KIF26B: variants seen among roughly 807,000 people sequenced by gnomAD.
The protein encoded by KIF26B is kinesin-like protein KIF26B.
A neutral mutation model predicts 151.2 loss-of-function variants in KIF26B; 63 were observed. That is an observed-to-expected ratio of 0.42 (90% CI 0.34 to 0.51). The LOEUF (loss-of-function observed/expected upper bound fraction) is 0.51. Ranked by LOEUF, KIF26B falls within the 20% of genes least tolerant of loss-of-function variation. KIF26B has a pLI of 0.07. For synonymous variants in KIF26B, 1,357 were observed against 1,262.1 expected, an observed-to-expected ratio of 1.08 and a Z score of -1.59; for missense variants, 2,813 against 2,913.6, an observed-to-expected ratio of 0.97 and a Z score of 0.79.
chr1:245,606,605 C>CAA lies in KIF26B; in HGVS notation c.1558-1043_1558-1042dup, dbSNP rs1271640202. Among the ~76,000 whole-genome samples, 1 of 152,170 alleles carries CAA rather than the reference C, an allele frequency of 6.6e-6. No individual in the cohort carries two copies. The highest frequency in any genetic ancestry group is 1.9e-4 in the East Asian group (1 of 5,196). ...TATTAGCGGGTGTTCAGGGGAAATA[C>CAA]AAAACATCATCGAGAGCCTGGTCCC... On this transcript the variant is annotated intron_variant, in intron 6 of 14. Coordinates refer to ENST00000407071, the MANE Select transcript of KIF26B (RefSeq NM_018012.4). The surrounding 1 kb of genome is among the most constrained non-coding windows in gnomAD (Gnocchi z 4.6).
chr1:245,501,097 T>A (rs1039406886), intron 4 of KIF26B, among the ~76,000 whole-genome samples: 1 of 152,220 alleles, frequency 6.6e-6, no homozygotes, highest in East Asian at 1.9e-4. Flanking sequence ...AGTACCATAT[T>A]ATCCCCATTT....
rs11588731 is a variant in KIF26B, at chr1:245,543,017, C to T, written c.1350+2067C>T. ...CTGGGGTGCTCATGTACCCCAATAC[C>T]GCCCTGTCCAGGGCACCTCAAAATG... is the stretch of plus-strand genomic sequence containing the variant. On this transcript the variant is annotated intron_variant, in intron 5 of 14. Coordinates refer to ENST00000407071, the MANE Select transcript of KIF26B (RefSeq NM_018012.4). Among the ~76,000 whole-genome samples the T allele has an allele frequency of 7.4e-4, 112 of 152,252 alleles. 1 individual carries two copies. In the South Asian group the frequency reaches 0.021, roughly 28 times the overall value.
At chr1:245,323,158 T>C (rs770349300) in intron 2 of KIF26B, among the ~76,000 whole-genome samples, 35 of 152,364 alleles carry the variant, frequency 2.3e-4, no homozygotes, top group Non-Finnish European at 3.8e-4. Context: ...ATTATCTTAT[T>C]AATGTTCACA....
At chr1:245,552,915 T>C (rs1661927616) in intron 5 of KIF26B, among the ~76,000 whole-genome samples, 1 of 152,106 alleles carries the variant, frequency 6.6e-6, no homozygotes, top group Non-Finnish European at 1.5e-5. Context: ...GGATTCTTAA[T>C]ACAGCCCTGA....
intron 2 of KIF26B, among the ~76,000 whole-genome samples, chr1:245,348,301 A>G (rs1458444632): frequency 6.6e-6 from 1 of 152,120 alleles, no homozygotes; most frequent in Non-Finnish European, 1.5e-5. Flanking sequence ...CTATCAGTAT[A>G]TTATTGATTT....
At chr1:245,194,525 T>C (rs1346426148) in intron 2 of KIF26B, among the ~76,000 whole-genome samples, 3 of 152,178 alleles carry the variant, frequency 2.0e-5, no homozygotes, top group Non-Finnish European at 4.4e-5. Context: ...TACAGGCATG[T>C]GCCACCATGC....
chr1:245,528,183 G>A (rs1488361268), intron 4 of KIF26B, among the ~76,000 whole-genome samples: 1 of 152,140 alleles, frequency 6.6e-6, no homozygotes, highest in Non-Finnish European at 1.5e-5. Context: ...AGCAGAAGCC[G>A]AGATGCAGAT....
At chr1:245,613,559 C>T (rs1432931848) in intron 9 of KIF26B, among the ~76,000 whole-genome samples, 1 of 152,204 alleles carries the variant, frequency 6.6e-6, no homozygotes, top group Non-Finnish European at 1.5e-5. Flanking sequence ...GATCGTGCCA[C>T]TGCACTCCAG....
At chr1:245,400,093 A>G (rs1395246045) in intron 3 of KIF26B, among the ~76,000 whole-genome samples, 1 of 152,220 alleles carries the variant, frequency 6.6e-6, no homozygotes, top group African/African-American at 2.4e-5. Context: ...GAAATCTGGT[A>G]CATGGCTTCT....
At chr1:245,679,801 G>T (rs2044408645) in intron 10 of KIF26B, among the ~76,000 whole-genome samples, 1 of 152,086 alleles carries the variant, frequency 6.6e-6, no homozygotes, top group African/African-American at 2.4e-5. Context: ...TGTGGTCAGT[G>T]TAGGCAGGGA....
chr1:245,426,825 T>C (rs761581099), intron 4 of KIF26B, among the ~76,000 whole-genome samples: 2 of 152,236 alleles, frequency 1.3e-5, no homozygotes, highest in South Asian at 2.1e-4. Context: ...GGAGAGCTGT[T>C]ACTGGTCTGA....
intron 2 of KIF26B, among the ~76,000 whole-genome samples, chr1:245,197,455 A>AT (rs1400342020): frequency 9.2e-5 from 14 of 152,074 alleles, no homozygotes; most frequent in Non-Finnish European, 1.9e-4. Context: ...CTGATCTTTT[A>AT]TTTTAATTCA....
chr1:245,594,631 G>T (rs2043321746), intron 5 of KIF26B, among the ~76,000 whole-genome samples: 1 of 152,164 alleles, frequency 6.6e-6, no homozygotes, highest in Non-Finnish European at 1.5e-5. Flanking sequence ...TTTTTGCTTA[G>T]GATTGTCTTG....
chr1:245,687,060 C>T lies in KIF26B; in HGVS notation c.4077C>T (p.Gly1359=). Reference sequence around the variant, plus strand: ...TCAACAAAGCAGCCCCCATCAAAGGCTGCAAAATATCCACAGTGAGCAAGG... The same window carrying T: ...TCAACAAAGCAGCCCCCATCAAAGGTTGCAAAATATCCACAGTGAGCAAGG... ...DSFNKAAPIK[G]CKISTVSKAM... Residue 1359 remains glycine, a synonymous_variant, in exon 12 of 15, where the codon GGC becomes GGT. Transcript: ENST00000407071. The surrounding 1 kb of genome is among the most constrained non-coding windows in gnomAD (Gnocchi z 4.9). 6.2e-7 allele frequency: 1 copy of T among 1,613,492 alleles called. No homozygotes were observed. The highest frequency in any genetic ancestry group is 1.1e-5 in the South Asian group (1 of 91,022).
intron 2 of KIF26B, among the ~76,000 whole-genome samples, chr1:245,340,372 C>T (rs182687622): frequency 5.2e-4 from 79 of 150,760 alleles, no homozygotes; most frequent in Non-Finnish European, 8.4e-4. Flanking sequence ...AAACTCTGTA[C>T]GTGTTAAGTA....
chr1:245,334,357 C>T (rs144613586), intron 2 of KIF26B, among the ~76,000 whole-genome samples: 2 of 152,186 alleles, frequency 1.3e-5, no homozygotes, highest in Non-Finnish European at 2.9e-5. Context: ...TCTGTTCAGT[C>T]CTTGTATCCT....
chr1:245,599,354 G>C (rs2043367604), intron 5 of KIF26B, among the ~76,000 whole-genome samples: 1 of 152,220 alleles, frequency 6.6e-6, no homozygotes. Flanking sequence ...GAGCTCAGTG[G>C]GTTTTTAAAG....
At chr1:245,527,792 G>A (rs924552191) in intron 4 of KIF26B, among the ~76,000 whole-genome samples, 2 of 151,704 alleles carry the variant, frequency 1.3e-5, no homozygotes, top group African/African-American at 4.8e-5. Flanking sequence ...CTCGGCCTCC[G>A]AAAGTGATGG....
At chr1:245,626,269 T>C (rs1342805848) in intron 9 of KIF26B, among the ~76,000 whole-genome samples, 1 of 152,176 alleles carries the variant, frequency 6.6e-6, no homozygotes, top group Non-Finnish European at 1.5e-5. Flanking sequence ...CTAGATCATA[T>C]GGTAGTTCTC....
Sources: allele counts gnomAD v4.1 joint callset (sites outside exome capture counted in the v4.1 genomes callset), GRCh38; gene constraint gnomAD v4.1.1; non-coding constraint Gnocchi (gnomAD v3.1); transcripts MANE v1.5; gene names NCBI Gene and HGNC (gene_info 2026-07-23, HGNC 2026-07-21).